The following DLGAP2 variants were observed in gnomAD, a reference collection of about 807,000 sequenced individuals.
The protein encoded by DLGAP2 is DLG associated protein 2.
A neutral mutation model predicts 100.3 loss-of-function variants in DLGAP2; 26 were observed. The observed-to-expected ratio is 0.26, with a 90% CI of 0.19 to 0.36. The LOEUF (loss-of-function observed/expected upper bound fraction) is 0.36, where lower values mean the gene tolerates loss of function less well. Among genes scored for constraint, DLGAP2 ranks in the 10% least tolerant of loss-of-function variants. The pLI is 1.00. For missense variants in DLGAP2, 1,858 were observed against 1,453.2 expected (o/e 1.28, Z -4.53); for synonymous variants, 886 against 630.1 (o/e 1.41, Z -6.08).
intron 3 of DLGAP2, among the ~76,000 whole-genome samples, chr8:1,424,325 T>C (rs1449369156): frequency 6.6e-6 from 1 of 152,244 alleles, no homozygotes; most frequent in Non-Finnish European, 1.5e-5. Context: ...GACGTGCGTA[T>C]CAAGGGCCCA....
intron 3 of DLGAP2, among the ~76,000 whole-genome samples, chr8:1,434,485 T>G (rs1050605610): frequency 6.3e-5 from 8 of 126,156 alleles, no homozygotes; most frequent in Non-Finnish European, 1.2e-4. Context: ...GGGTTTTGGG[T>G]TTTTTTTTTG....
At chr8:1,152,961 TGATG>T (rs1796721111) in intron 2 of DLGAP2, among the ~76,000 whole-genome samples, 1 of 152,254 alleles carries the variant, frequency 6.6e-6, no homozygotes, top group Non-Finnish European at 1.5e-5. Flanking sequence ...TTTTCCTCTC[TGATG>T]TATTTGGCAC....
At chr8:1,046,452 T>C (rs905832194) in intron 2 of DLGAP2, among the ~76,000 whole-genome samples, 15 of 152,274 alleles carry the variant, frequency 9.9e-5, no homozygotes, top group African/African-American at 3.6e-4. Flanking sequence ...GATGTGTACA[T>C]GAATGGGACT....
At chr8:1,130,069 CGTGG>C (rs1563206943) in intron 2 of DLGAP2, among the ~76,000 whole-genome samples, 4 of 151,334 alleles carry the variant, frequency 2.6e-5, no homozygotes, top group East Asian at 1.9e-4. Context: ...GGGCACTTCA[CGTGG>C]GTTAAGGGAT....
rs1313045188 is a variant in DLGAP2, at chr8:1,668,489, C to T, written c.1971C>T (p.Ser657=). The T allele has an allele frequency of 1.3e-6, 2 of 1,593,084 alleles. No individual in the cohort carries two copies. The highest frequency in any genetic ancestry group is 1.7e-6 in the Non-Finnish European group (2 of 1,170,850). ...GGATGTCCCCGTGGCCCCAGGACAG[C>T]CGCGGCCTCTACAACTCCACGGACA... The part of the protein sequence containing the change: ...AQRMSPWPQD[S]RGLYNSTDSL... Residue 657 remains serine (S), a synonymous_variant, in exon 9 of 15, where the codon AGC becomes AGT. Coordinates refer to ENST00000637795, the MANE Select transcript of DLGAP2 (RefSeq NM_001346810.2).
intron 3 of DLGAP2, among the ~76,000 whole-genome samples, chr8:1,371,366 G>A (rs890305130): frequency 6.6e-6 from 1 of 152,236 alleles, no homozygotes; most frequent in African/African-American, 2.4e-5. Flanking sequence ...CGCCAGGGCA[G>A]AGGTTCAGAG....
intron 3 of DLGAP2, among the ~76,000 whole-genome samples, chr8:1,366,011 G>A (rs1802100174): frequency 6.6e-6 from 1 of 152,242 alleles, no homozygotes; most frequent in African/African-American, 2.4e-5. Context: ...GCACCGTCCA[G>A]CCTGGCTTCT....
intron 4 of DLGAP2, among the ~76,000 whole-genome samples, chr8:1,508,581 A>G (rs1157112899): frequency 7.5e-6 from 1 of 133,566 alleles, no homozygotes; most frequent in East Asian, 2.3e-4. Flanking sequence ...ACATCCATTC[A>G]AACAGCAATT....
At chr8:852,724 C>T (rs145806805) in intron 1 of DLGAP2, among the ~76,000 whole-genome samples, 39 of 152,274 alleles carry the variant, frequency 2.6e-4, no homozygotes, top group African/African-American at 8.7e-4. Context: ...GTAAAATATC[C>T]ACCCAAACCC....
At chr8:1,315,077 G>T (rs975811910) in intron 3 of DLGAP2, among the ~76,000 whole-genome samples, 6 of 152,166 alleles carry the variant, frequency 3.9e-5, no homozygotes, top group African/African-American at 7.2e-5. Flanking sequence ...TACAAAAGAG[G>T]TTTTTTCAGA....
At chr8:1,612,460 C>G (rs1269172896) in intron 6 of DLGAP2, among the ~76,000 whole-genome samples, 5 of 143,128 alleles carry the variant, frequency 3.5e-5, no homozygotes, top group African/African-American at 7.9e-5. Flanking sequence ...CTAGGCATTA[C>G]CATTCAGGAC....
chr8:1,706,473 G>T lies in DLGAP2; in HGVS notation c.*5067G>T, dbSNP rs552057467. 4.6e-5 allele frequency: 7 copies of T among 152,304 alleles called. No individual in the cohort carries two copies. The allele number at this position is 152,304 out of a possible 1,614,324, so 9.4% of individuals were successfully genotyped here. A position where few individuals can be genotyped will look rare whatever the true frequency, so the allele number is the denominator to read the frequency against. On this transcript the variant is annotated 3_prime_UTR_variant, in exon 15 of 15. Coordinates refer to ENST00000637795, the MANE Select transcript of DLGAP2 (RefSeq NM_001346810.2). ...AGGGCACGCTGCCAGAATCCAGGCT[G>T]GTCGTAAACATCTCAGAGATAATCA... is the stretch of plus-strand genomic sequence containing the variant.
At chr8:862,202 G>A (rs542263161) in intron 1 of DLGAP2, among the ~76,000 whole-genome samples, 2 of 152,162 alleles carry the variant, frequency 1.3e-5, no homozygotes, top group East Asian at 3.9e-4. Context: ...TCCACGGGCT[G>A]AGTCGCACCC....
In DLGAP2 at chr8:870,968, A is replaced by G. The variant is rs140973336; in HGVS notation, c.19-36944A>G. Among the ~76,000 whole-genome samples the G allele has an allele frequency of 8.6e-3, 1,310 of 152,296 alleles. 13 individuals carry two copies. Among genetic ancestry groups the G allele is most frequent in the Middle Eastern group, 0.058 (17 of 294 alleles). ...CAAAATGCGTAACTGTGGTAGACGT[A>G]TCTGGCACCTGAGCTCAACATTTTC... On this transcript the variant is annotated intron_variant, in intron 1 of 14. Coordinates refer to ENST00000637795, the MANE Select transcript of DLGAP2 (RefSeq NM_001346810.2).
At chr8:769,398 A>G (rs755974570) in intron 1 of DLGAP2, among the ~76,000 whole-genome samples, 1 of 151,984 alleles carries the variant, frequency 6.6e-6, no homozygotes, top group African/African-American at 2.4e-5. Context: ...ATAACAAGCA[A>G]AACGGCGGCA....
At chr8:1,029,882 C>T (rs1247341676) in intron 2 of DLGAP2, among the ~76,000 whole-genome samples, 1 of 152,080 alleles carries the variant, frequency 6.6e-6, no homozygotes, top group African/African-American at 2.4e-5. Context: ...TCAATCTTGA[C>T]AGAAAGACTC....
intron 1 of DLGAP2, among the ~76,000 whole-genome samples, chr8:762,897 C>G (rs1821122785): frequency 6.6e-6 from 1 of 152,102 alleles, no homozygotes; most frequent in African/African-American, 2.4e-5. Context: ...AGGCTGGTCT[C>G]CTACTCCTGG....
At chr8:1,553,610 C>T (rs1306349133) in intron 5 of DLGAP2, among the ~76,000 whole-genome samples, 1 of 152,160 alleles carries the variant, frequency 6.6e-6, no homozygotes, top group African/African-American at 2.4e-5. Flanking sequence ...AACGGGGAGC[C>T]CTGAGCATTC....
chr8:1,574,581 A>G (rs1802886397), intron 6 of DLGAP2, among the ~76,000 whole-genome samples: 1 of 152,156 alleles, frequency 6.6e-6, no homozygotes. Context: ...GAGCCTCAAT[A>G]CCATCGAGCA....
Sources: allele counts gnomAD v4.1 joint callset (sites outside exome capture counted in the v4.1 genomes callset), GRCh38; gene constraint gnomAD v4.1.1; transcripts MANE v1.5; gene names NCBI Gene and HGNC (gene_info 2026-07-23, HGNC 2026-07-21).